Variants in ADARB2 observed in about 807,000 individuals in gnomAD.
The protein encoded by ADARB2 is adenosine deaminase RNA specific B2 (inactive), also known as inactive double-stranded RNA-specific editase B2.
ADARB2 carries 25 observed loss-of-function variants against 62.2 expected under a neutral mutation model. The observed-to-expected ratio is 0.40, with a 90% CI of 0.29 to 0.56. ADARB2 has a LOEUF of 0.56. ADARB2 is among the 20% of genes least tolerant of loss of function. The pLI, the probability that ADARB2 is intolerant of heterozygous loss-of-function variation, is 0.43. For synonymous variants in ADARB2, 572 were observed against 500.8 expected (o/e 1.14, Z -1.90); for missense variants, 1,071 against 1,077.4 (o/e 0.99, Z 0.08).
chr10:1,677,686 A>G (rs532206722), intron 1 of ADARB2, among the ~76,000 whole-genome samples: 19 of 152,322 alleles, frequency 1.2e-4, no homozygotes, highest in Admixed American at 1.2e-3. Flanking sequence ...GATCCACACT[A>G]CAGCTATGTA....
chr10:1,379,837 C>T (rs1056284624), intron 1 of ADARB2, among the ~76,000 whole-genome samples: 2 of 152,214 alleles, frequency 1.3e-5, no homozygotes, highest in African/African-American at 2.4e-5. Flanking sequence ...GTCCCTACCA[C>T]AGTGAGTGCA....
intron 1 of ADARB2, among the ~76,000 whole-genome samples, chr10:1,653,874 C>A (rs1564359293): frequency 6.6e-6 from 1 of 152,124 alleles, no homozygotes; most frequent in Non-Finnish European, 1.5e-5. Flanking sequence ...CAGCAGCTTG[C>A]GATTGAAAGG....
At chr10:1,277,977 T>G (rs1248933390) in intron 3 of ADARB2, among the ~76,000 whole-genome samples, 2 of 151,160 alleles carry the variant, frequency 1.3e-5, no homozygotes, top group African/African-American at 4.8e-5. Flanking sequence ...CTCTTTCTTT[T>G]TTTCCTTTTT....
intron 7 of ADARB2, among the ~76,000 whole-genome samples, chr10:1,200,790 T>G (rs551983794): frequency 2.6e-5 from 4 of 152,238 alleles, no homozygotes; most frequent in Non-Finnish European, 5.9e-5. Context: ...AGGTTCCATG[T>G]GTGTGTTTTT....
chr10:1,629,901 C>T (rs74108970), intron 1 of ADARB2, among the ~76,000 whole-genome samples: 427 of 151,224 alleles, frequency 2.8e-3, no homozygotes, highest in African/African-American at 9.9e-3. Context: ...ACAGAGAATG[C>T]GGGGGAAGGG....
rs1837229086 is a variant in ADARB2, at chr10:1,216,061, CAACGTGGGGGAGGTCTCG to C, written c.1682+872_1682+889del. 3 of 150,904 alleles carry C rather than the reference CAACGTGGGGGAGGTCTCG, an allele frequency of 2.0e-5. No homozygotes were observed. In the South Asian group the frequency reaches 6.3e-4, roughly 32 times the overall value. The allele number at this position is 150,904 out of a possible 1,614,324, so 9.3% of individuals were successfully genotyped here. On this transcript the variant is annotated intron_variant, in intron 7 of 9. Coordinates refer to ENST00000381312, the MANE Select transcript of ADARB2 (RefSeq NM_018702.4). ...GGTGTCACCAACGTGGGGGTGTCAC[CAACGTGGGGGAGGTCTCG>C]GGGTCAGATCGAGGACGGAGAGGTC...
At chr10:1,463,643 C>A (rs549110101) in intron 1 of ADARB2, among the ~76,000 whole-genome samples, 4 of 152,324 alleles carry the variant, frequency 2.6e-5, no homozygotes, top group African/African-American at 9.6e-5. Flanking sequence ...ACTTGTGCTA[C>A]TGAAAGGATT....
intron 1 of ADARB2, among the ~76,000 whole-genome samples, chr10:1,458,615 T>C (rs1831127564): frequency 6.6e-6 from 1 of 152,156 alleles, no homozygotes; most frequent in African/African-American, 2.4e-5. Context: ...CGCTATGGCT[T>C]CCACGGTGCC....
intron 1 of ADARB2, among the ~76,000 whole-genome samples, chr10:1,478,203 C>T (rs1831425555): frequency 6.6e-6 from 1 of 152,138 alleles, no homozygotes; most frequent in Non-Finnish European, 1.5e-5. Flanking sequence ...AGCATTCAGG[C>T]GTGATGTTAT....
At chr10:1,342,253 C>T (rs1037343865) in intron 3 of ADARB2, among the ~76,000 whole-genome samples, 2 of 152,138 alleles carry the variant, frequency 1.3e-5, no homozygotes, top group Admixed American at 6.5e-5. Flanking sequence ...CTGTGATAGA[C>T]CCCCTTCCTC....
chr10:1,294,612 T>G (rs929692733), intron 3 of ADARB2, among the ~76,000 whole-genome samples: 6 of 152,220 alleles, frequency 3.9e-5, no homozygotes, highest in African/African-American at 1.2e-4. Context: ...ACTGTCTCGC[T>G]TCCCCCATCC....
intron 3 of ADARB2, among the ~76,000 whole-genome samples, chr10:1,277,426 C>T (rs1210464047): frequency 6.6e-6 from 1 of 152,156 alleles, no homozygotes; most frequent in African/African-American, 2.4e-5. Flanking sequence ...GGGGATATCA[C>T]CACCAGTCCC....
At chr10:1,504,675 C>T (rs59719764) in intron 1 of ADARB2, among the ~76,000 whole-genome samples, 25,505 of 152,112 alleles carry the variant, frequency 0.17, 2,353 homozygotes, top group East Asian at 0.25. Context: ...AGTCCAGGAC[C>T]GTTTCCGTGA....
intron 4 of ADARB2, among the ~76,000 whole-genome samples, chr10:1,244,373 C>A (rs1298937589): frequency 2.6e-5 from 4 of 152,274 alleles, no homozygotes; most frequent in South Asian, 2.1e-4. Context: ...CGCATGCAGT[C>A]TCTGGTGGAA....
At chr10:1,576,374 C>T (rs373942203) in intron 1 of ADARB2, among the ~76,000 whole-genome samples, 1 of 146,586 alleles carries the variant, frequency 6.8e-6, no homozygotes, top group Non-Finnish European at 1.5e-5. Context: ...CTTAGGGTCA[C>T]AGGAGGGGGC....
At chr10:1,186,577 C>T (rs760940175) in intron 8 of ADARB2, 10 of 518,868 alleles carry the variant, frequency 1.9e-5, no homozygotes, top group Non-Finnish European at 3.5e-5. Flanking sequence ...AGCTCTGCCT[C>T]TCCAGCCCTT....
chr10:1,666,195 G>T (rs1296941976), intron 1 of ADARB2, among the ~76,000 whole-genome samples: 2 of 152,242 alleles, frequency 1.3e-5, no homozygotes, highest in African/African-American at 4.8e-5. Flanking sequence ...CCGGGAGGGA[G>T]AGGAAGACCC....
At chr10:1,623,897 G>A (rs1833736307) in intron 1 of ADARB2, among the ~76,000 whole-genome samples, 1 of 152,210 alleles carries the variant, frequency 6.6e-6, no homozygotes, top group Non-Finnish European at 1.5e-5. Context: ...ACAGCAAGAT[G>A]AAATGATTTG....
intron 8 of ADARB2, among the ~76,000 whole-genome samples, chr10:1,189,586 G>A (rs866559458): frequency 6.6e-5 from 10 of 152,062 alleles, no homozygotes; most frequent in South Asian, 4.1e-4. Context: ...AGTGGGCATC[G>A]GCTGATTGAA....
Sources: gnomAD v4.1 joint callset for allele counts (sites outside exome capture counted in the v4.1 genomes callset) on GRCh38, gnomAD v4.1.1 for gene constraint, MANE v1.5 for transcripts, NCBI Gene and HGNC (gene_info 2026-07-23, HGNC 2026-07-21) for gene names.